Variants in ALDH3B2 observed in about 807,000 individuals in gnomAD.
ALDH3B2 encodes the protein aldehyde dehydrogenase 3 family member B2.
ALDH3B2 carries 45 observed loss-of-function variants against 36.7 expected under a neutral mutation model. The ratio of observed to expected loss-of-function variants is 1.23; its 90% CI spans 0.97 to 1.57. The LOEUF (loss-of-function observed/expected upper bound fraction) is 1.57. Ranked by LOEUF, ALDH3B2 falls within the 40% of genes most tolerant of loss-of-function variation. ALDH3B2 has a pLI of 0.00. For missense variants in ALDH3B2, 464 were observed against 513.3 expected (o/e 0.90, Z 0.93); for synonymous variants, 217 against 226.5 (o/e 0.96, Z 0.38).
chr11:67,676,490 C>T (rs1591150514), upstream of ALDH3B2, among the ~76,000 whole-genome samples: 1 of 151,884 alleles, frequency 6.6e-6, no homozygotes, highest in African/African-American at 2.4e-5. Flanking sequence ...GCCCTAAATG[C>T]CTACATCAAA....
chr11:67,664,061 C>G (rs113980888), intron 8 of ALDH3B2, among the ~76,000 whole-genome samples: 41 of 152,268 alleles, frequency 2.7e-4, no homozygotes, highest in African/African-American at 9.6e-4. Context: ...CGGGCCCCAC[C>G]GCGACCCGCT....
At chr11:67,666,732 C>T (rs1855931197) in intron 3 of ALDH3B2, 38 bp from the exon 4 acceptor site, 3 of 1,612,456 alleles carry the variant, frequency 1.9e-6, no homozygotes, top group Non-Finnish European at 8.5e-7. Flanking sequence ...CTGCCAAGGG[C>T]CACCCCAAAG....
intron 1 of ALDH3B2, among the ~76,000 whole-genome samples, chr11:67,670,425 G>A (rs1029148975): frequency 1.3e-5 from 2 of 152,094 alleles, no homozygotes; most frequent in African/African-American, 2.4e-5. Context: ...TCACAGGGCC[G>A]TGCCCAGGGC....
chr11:67,668,626 CTATG>C (rs1309219324), intron 1 of ALDH3B2, among the ~76,000 whole-genome samples: 1 of 150,638 alleles, frequency 6.6e-6, no homozygotes. Context: ...CTTTGTGTGT[CTATG>C]TGTGTGTGTG....
upstream of ALDH3B2, among the ~76,000 whole-genome samples, chr11:67,678,524 A>C (rs906111941): frequency 6.6e-6 from 1 of 152,136 alleles, no homozygotes; most frequent in Non-Finnish European, 1.5e-5. Context: ...ATTCTAGGAG[A>C]TGACATTGGA....
chr11:67,663,043 A>C (rs1855787808), exon 10 of ALDH3B2: 2 of 843,172 alleles, frequency 2.4e-6, no homozygotes, highest in African/African-American at 1.7e-5. Context: ...CCCAGATAGA[A>C]GCAAGACCTT....
chr11:67,678,148 C>G (rs753847413), upstream of ALDH3B2, among the ~76,000 whole-genome samples: 6 of 152,070 alleles, frequency 3.9e-5, no homozygotes, highest in African/African-American at 1.4e-4. Flanking sequence ...AAAAAGAGCC[C>G]GCACAGCAAA....
chr11:67,680,680 G>A (rs1856354090), intron 1 of ALDH3B2, among the ~76,000 whole-genome samples: 1 of 152,146 alleles, frequency 6.6e-6, no homozygotes, highest in Non-Finnish European at 1.5e-5. Context: ...GCTTCCCAAA[G>A]TTCTAGGATT....
chr11:67,673,678 G>A (rs1470780496), intron 1 of ALDH3B2: 1 of 152,258 alleles, frequency 6.6e-6, no homozygotes, highest in Non-Finnish European at 1.5e-5. Context: ...GCTGGCATCT[G>A]GGGCCAGGTA....
chr11:67,663,525 C>G (rs1591140269), intron 9 of ALDH3B2, 126 bp from the exon 10 acceptor site: 3 of 1,382,098 alleles, frequency 2.2e-6, no homozygotes, highest in Non-Finnish European at 1.0e-6. Context: ...ACTCACAGAG[C>G]CATTTTACAG....
chr11:67,662,408 C>T (rs931388188), exon 10 of ALDH3B2: 2 of 152,250 alleles, frequency 1.3e-5, no homozygotes, highest in Non-Finnish European at 2.9e-5. Flanking sequence ...ATACTACAGT[C>T]TTGAGGACGT....
chr11:67,675,994 C>T (rs1856262096), upstream of ALDH3B2, among the ~76,000 whole-genome samples: 1 of 152,086 alleles, frequency 6.6e-6, no homozygotes, highest in African/African-American at 2.4e-5. Context: ...GCCTGTAATC[C>T]CAGCACTTTG....
At chr11:67,663,271 A>T in exon 10 of ALDH3B2, 2 of 1,613,990 alleles carry the variant, frequency 1.2e-6, no homozygotes, top group South Asian at 2.2e-5. Context: ...TGCTGGTTCC[A>T]GTCGGTATAG....
chr11:67,663,039 T>C, exon 10 of ALDH3B2: 1 of 807,706 alleles, frequency 1.2e-6, no homozygotes, highest in Non-Finnish European at 2.0e-6. Context: ...GTCCCCCAGA[T>C]AGAAGCAAGA....
At chr11:67,672,073 A>G (rs12361092) in intron 1 of ALDH3B2, among the ~76,000 whole-genome samples, 703 of 65,482 alleles carry the variant, frequency 0.011, 67 homozygotes, top group African/African-American at 0.041. Flanking sequence ...ATATATATAT[A>G]TATATATATA....
rs1292801795 is a variant in ALDH3B2, at chr11:67,668,975, CTT to C, written c.-244-1342_-244-1341del. Among the ~76,000 whole-genome samples the C allele has an allele frequency of 3.5e-5, 5 of 141,722 alleles. No homozygotes were observed. The East Asian group carries it at 1.1e-3, about 31-fold the overall frequency. The allele number at this position is 141,722 out of a possible 152,430, so 93.0% of individuals were successfully genotyped here. On this transcript the variant is annotated intron_variant, in intron 1 of 9. Transcript: ENST00000349015. ...TATGTGTGTATGGGTGTCTGTGTCT[CTT>C]TGTGTGTATGGGTGTCTGTGTGTGT... is the stretch of plus-strand genomic sequence containing the variant.
At chr11:67,666,499 G>C in intron 4 of ALDH3B2, 75 bp downstream of exon 4, 1 of 1,607,470 alleles carries the variant, frequency 6.2e-7, no homozygotes, top group East Asian at 2.2e-5. Flanking sequence ...GGGTACCTCA[G>C]AGCAAGATTC....
At chr11:67,670,338 G>A (rs940037355) in intron 1 of ALDH3B2, among the ~76,000 whole-genome samples, 1 of 151,500 alleles carries the variant, frequency 6.6e-6, no homozygotes, top group Non-Finnish European at 1.5e-5. Context: ...GTCTGTGTGT[G>A]TATGGGTGTC....
chr11:67,672,099 ATTT>A (rs1283868672), intron 1 of ALDH3B2, among the ~76,000 whole-genome samples: 37 of 45,584 alleles, frequency 8.1e-4, no homozygotes, highest in African/African-American at 2.8e-3. Context: ...GTATGTATGT[ATTT>A]TGTGTGTGTG....
Sources: allele counts gnomAD v4.1 joint callset (sites outside exome capture counted in the v4.1 genomes callset), GRCh38; gene constraint gnomAD v4.1.1; transcripts MANE v1.5; gene names NCBI Gene and HGNC (gene_info 2026-07-23, HGNC 2026-07-21).